Variants in KAZN observed in about 807,000 individuals in gnomAD.
The protein encoded by KAZN is kazrin.
KAZN carries 40 observed loss-of-function variants against 87.4 expected under a neutral mutation model. The observed-to-expected ratio is 0.46, with a 90% CI of 0.36 to 0.60. The LOEUF is 0.60. Among genes scored for constraint, KAZN ranks in the 20% least tolerant of loss-of-function variants. KAZN has a pLI of 0.00. For missense variants in KAZN, 898 were observed against 1,073.9 expected, an observed-to-expected ratio of 0.84 and a Z score of 2.29; for synonymous variants, 466 against 458.3, an observed-to-expected ratio of 1.02 and a Z score of -0.22.
chr1:14,188,071 A>G (rs1209273805), intron 2 of KAZN, among the ~76,000 whole-genome samples: 2 of 152,128 alleles, frequency 1.3e-5, no homozygotes, highest in Non-Finnish European at 2.9e-5. Flanking sequence ...GATAACAGTG[A>G]GTTTTAATGT....
rs967957376 is a variant in KAZN, at chr1:14,710,519, C to T, written c.226+111296C>T. ...TCTCACCACTGCGTTAGAGCTTAGC[C>T]ATACCAGCTCCTATATACTATTCCT... is the stretch of plus-strand genomic sequence containing the variant. On this transcript the variant is annotated intron_variant, in intron 1 of 14. Coordinates refer to ENST00000376030, the MANE Select transcript of KAZN (RefSeq NM_201628.3). Among the ~76,000 whole-genome samples, 16 of 152,270 alleles carry T rather than the reference C, an allele frequency of 1.1e-4. No homozygotes were observed. In the East Asian group the frequency reaches 3.1e-3, roughly 29 times the overall value.
At chr1:15,110,459 G>A (rs1641532398) in intron 13 of KAZN, among the ~76,000 whole-genome samples, 1 of 149,916 alleles carries the variant, frequency 6.7e-6, no homozygotes, top group African/African-American at 2.4e-5. Flanking sequence ...GTGTATTTGT[G>A]TGTGTTTGTA....
At chr1:14,130,757 T>C (rs1644975795) in intron 1 of KAZN, among the ~76,000 whole-genome samples, 1 of 152,188 alleles carries the variant, frequency 6.6e-6, no homozygotes, top group African/African-American at 2.4e-5. Context: ...CTGATTGTCT[T>C]GTCAACCCTC....
Position 15,099,948 on chromosome 1 carries a change from A to G in KAZN, c.1548-1595A>G, listed in dbSNP as rs943084194. On this transcript the variant is annotated intron_variant, in intron 10 of 14. Transcript: ENST00000376030. This position sits in a 1 kb window ranked among gnomAD's most constrained non-coding sequence, Gnocchi z 5.4. ...TATCAGCTTGGGAGCTGGGTGACAG[A>G]GAAGGGCCCCTGGGTGACGGTGACA... 2.6e-5 allele frequency among the ~76,000 whole-genome samples: 4 copies of G among 152,130 alleles called. No homozygotes were observed. The highest frequency in any genetic ancestry group is 5.9e-5 in the Non-Finnish European group (4 of 68,024).
At chr1:13,928,377 C>A (rs1425469513) in intron 1 of KAZN, among the ~76,000 whole-genome samples, 2 of 152,136 alleles carry the variant, frequency 1.3e-5, no homozygotes, top group African/African-American at 4.8e-5. Flanking sequence ...TGTTATATAC[C>A]TGGCACTCTG....
At chr1:14,957,783 C>T (rs998555625) in intron 1 of KAZN, among the ~76,000 whole-genome samples, 3 of 152,170 alleles carry the variant, frequency 2.0e-5, no homozygotes, top group Non-Finnish European at 4.4e-5. Flanking sequence ...CTGAAGGAGG[C>T]CTCAGACAGG....
At chr1:14,409,120 G>A (rs1431898635) in intron 2 of KAZN, among the ~76,000 whole-genome samples, 1 of 152,144 alleles carries the variant, frequency 6.6e-6, no homozygotes, top group Non-Finnish European at 1.5e-5. Flanking sequence ...GATTCAGAAG[G>A]CAACCCTCTT....
intron 2 of KAZN, among the ~76,000 whole-genome samples, chr1:14,225,882 T>A (rs1042478061): frequency 6.6e-6 from 1 of 152,158 alleles, no homozygotes; most frequent in African/African-American, 2.4e-5. Flanking sequence ...AGGACTTAAG[T>A]GTGAAACCTA....
At chr1:14,514,448 ATATATTATATATAT>A (rs1671148065) in intron 2 of KAZN, among the ~76,000 whole-genome samples, 1 of 81,332 alleles carries the variant, frequency 1.2e-5, no homozygotes, top group Non-Finnish European at 2.2e-5. Context: ...TGCAAAATAT[ATATATTATATATAT>A]TTTATATAAA....
chr1:14,513,508 G>T (rs1225848444), intron 2 of KAZN, among the ~76,000 whole-genome samples: 2 of 152,074 alleles, frequency 1.3e-5, no homozygotes, highest in Non-Finnish European at 2.9e-5. Context: ...CTAAAGAACG[G>T]GGAATCTCTA....
intron 2 of KAZN, among the ~76,000 whole-genome samples, chr1:15,024,194 A>C (rs1474570630): frequency 6.6e-6 from 1 of 152,178 alleles, no homozygotes; most frequent in Non-Finnish European, 1.5e-5. Context: ...AAAACGGAGC[A>C]GGCAGAAATG....
intron 1 of KAZN, among the ~76,000 whole-genome samples, chr1:14,803,174 C>T (rs1025364383): frequency 2.4e-5 from 3 of 125,258 alleles, no homozygotes; most frequent in African/African-American, 3.9e-5. Flanking sequence ...CCTTCATCTG[C>T]GCAGTGTCTG....
At chr1:13,928,896 C>A (rs529577049) in intron 1 of KAZN, among the ~76,000 whole-genome samples, 2 of 151,128 alleles carry the variant, frequency 1.3e-5, no homozygotes, top group South Asian at 4.2e-4. Flanking sequence ...CTCTAACAGG[C>A]GATAGATTCT....
chr1:15,068,715 T>C (rs1639376459), intron 8 of KAZN, among the ~76,000 whole-genome samples: 1 of 151,654 alleles, frequency 6.6e-6, no homozygotes, highest in African/African-American at 2.4e-5. Context: ...CCAGCGAGAC[T>C]CCACTGTATG....
At chr1:14,902,419 G>T (rs552236294) in intron 1 of KAZN, among the ~76,000 whole-genome samples, 2 of 151,898 alleles carry the variant, frequency 1.3e-5, no homozygotes, top group African/African-American at 4.8e-5. Flanking sequence ...TAGTAGAGAC[G>T]GGGTTTCACC....
intron 2 of KAZN, among the ~76,000 whole-genome samples, chr1:14,239,580 C>T (rs940109182): frequency 6.6e-6 from 1 of 151,384 alleles, no homozygotes; most frequent in Admixed American, 6.6e-5. Context: ...CCTGCCTCAG[C>T]CTCCCGAGTA....
chr1:14,595,964 G>C (rs929404083), upstream of KAZN, among the ~76,000 whole-genome samples: 11 of 152,118 alleles, frequency 7.2e-5, no homozygotes, highest in Non-Finnish European at 7.4e-5. Flanking sequence ...GGGATGAGAA[G>C]GGGCTCAAGG....
At chr1:13,935,735 C>T (rs1171983845) in intron 1 of KAZN, among the ~76,000 whole-genome samples, 1 of 152,146 alleles carries the variant, frequency 6.6e-6, no homozygotes, top group Non-Finnish European at 1.5e-5. Flanking sequence ...GTAGATGGAA[C>T]ATGAACTTCA....
chr1:14,636,201 A>G (rs1679972242), intron 1 of KAZN, among the ~76,000 whole-genome samples: 1 of 152,088 alleles, frequency 6.6e-6, no homozygotes. Flanking sequence ...GGGGCAAGGC[A>G]CCTCCGTCTC....
Sources: gnomAD v4.1 joint callset for allele counts (sites outside exome capture counted in the v4.1 genomes callset) on GRCh38, gnomAD v4.1.1 for gene constraint, Gnocchi (gnomAD v3.1) non-coding constraint, MANE v1.5 for transcripts, NCBI Gene and HGNC (gene_info 2026-07-23, HGNC 2026-07-21) for gene names.